ZNF236: variants seen among roughly 807,000 people sequenced by gnomAD.
ZNF236 encodes the protein regulated by glucose.
In ZNF236, 50 loss-of-function variants were observed where a neutral mutation model predicts 191.2. The ratio of observed to expected loss-of-function variants is 0.26; its 90% CI spans 0.21 to 0.33. ZNF236 has a LOEUF of 0.33. ZNF236 is among the 10% of genes least tolerant of loss of function. The pLI is 1.00. For synonymous variants in ZNF236, 907 were observed against 928.8 expected (o/e 0.98, Z 0.43); for missense variants, 1,754 against 2,374.5 (o/e 0.74, Z 5.43).
chr18:76,897,561 C>T (rs747540934), intron 10 of ZNF236, among the ~76,000 whole-genome samples: 1 of 148,936 alleles, frequency 6.7e-6, no homozygotes. Flanking sequence ...GTGCTGCCCA[C>T]AGGTACTGCA....
chr18:76,942,805 C>A (rs890403691), intron 26 of ZNF236, among the ~76,000 whole-genome samples: 1 of 150,872 alleles, frequency 6.6e-6, no homozygotes, highest in Non-Finnish European at 1.5e-5. Flanking sequence ...TGAGCCACCA[C>A]GCCCAGCCTA....
chr18:76,916,178 A>G (rs183463539), intron 19 of ZNF236, among the ~76,000 whole-genome samples: 77 of 152,300 alleles, frequency 5.1e-4, no homozygotes, highest in Middle Eastern at 6.8e-3. Flanking sequence ...CAAATATGGT[A>G]TCTTGCTCTA....
chr18:76,954,094 T>G (rs1968470220), intron 27 of ZNF236, among the ~76,000 whole-genome samples: 1 of 152,236 alleles, frequency 6.6e-6, no homozygotes. Flanking sequence ...TTAGCAAGAT[T>G]CTATTAATAT....
intron 27 of ZNF236, among the ~76,000 whole-genome samples, chr18:76,950,476 A>G (rs181222412): frequency 1.1e-3 from 164 of 152,188 alleles, no homozygotes; most frequent in African/African-American, 3.9e-3. Context: ...TATATATACC[A>G]TGAGATCCTT....
intron 1 of ZNF236, among the ~76,000 whole-genome samples, chr18:76,830,439 C>G (rs1975137529): frequency 6.6e-6 from 1 of 152,050 alleles, no homozygotes; most frequent in Non-Finnish European, 1.5e-5. Flanking sequence ...GTGGATACAG[C>G]CAGCCAGTCG....
chr18:76,948,307 G>C (rs1968317987), intron 27 of ZNF236, among the ~76,000 whole-genome samples: 1 of 152,130 alleles, frequency 6.6e-6, no homozygotes, highest in Non-Finnish European at 1.5e-5. Context: ...TGACTTACCG[G>C]TTTTTCTGTA....
In ZNF236 at chr18:76,968,932, A is replaced by T. The variant is rs17575801; in HGVS notation, c.*593A>T. On this transcript the variant is annotated 3_prime_UTR_variant, in exon 31 of 31. Coordinates refer to ENST00000320610, the MANE Select transcript of ZNF236 (RefSeq NM_001306089.2). The stretch of plus-strand genomic sequence containing the variant: ...GATGGCTGGACCAATTCTCTCCATG[A>T]CAAATGTTTAATCATTAGTTACAAG... 6.1e-4 allele frequency: 588 copies of T among 963,444 alleles called. No individual in the cohort carries two copies. The highest frequency in any genetic ancestry group is 4.8e-3 in the Middle Eastern group (9 of 1,862). 59.7% of individuals were successfully genotyped at this position (963,444 alleles called of 1,614,324 possible). A position where few individuals can be genotyped will look rare whatever the true frequency, so the allele number is the denominator to read the frequency against.
At chr18:76,963,479 G>A (rs1004855359) in intron 30 of ZNF236, among the ~76,000 whole-genome samples, 3 of 152,200 alleles carry the variant, frequency 2.0e-5, no homozygotes, top group Admixed American at 2.0e-4. Context: ...CGGTTAGCTA[G>A]TATTTTGTTA....
chr18:76,908,527 A>G lies in ZNF236; in HGVS notation c.2505A>G (p.Ala835=), dbSNP rs572904929. ...AGCATGTGGTGGGCACGGAGGAAGC[A>G]GGGCTGGGCCAGCAGTTGGCAGATC... is the stretch of plus-strand genomic sequence containing the variant. The part of the protein sequence containing the change: ...EPQHVVGTEE[A]GLGQQLADQP... The change falls in exon 14 of 31, where the codon GCA becomes GCG. Residue 835 remains alanine (A), a synonymous_variant. Transcript: ENST00000320610. 3 of 1,613,298 alleles carry G rather than the reference A, an allele frequency of 1.9e-6. No homozygotes were observed. The highest frequency in any genetic ancestry group is 2.5e-6 in the Non-Finnish European group (3 of 1,179,812).
At chr18:76,825,041 C>T (rs1339084436) in intron 1 of ZNF236, among the ~76,000 whole-genome samples, 1 of 152,232 alleles carries the variant, frequency 6.6e-6, no homozygotes, top group African/African-American at 2.4e-5. Context: ...CTCCAGGATC[C>T]TGTTGATCGG....
At chr18:76,933,513 A>ACT (rs1027081956) in intron 25 of ZNF236, among the ~76,000 whole-genome samples, 13 of 144,312 alleles carry the variant, frequency 9.0e-5, no homozygotes, top group Admixed American at 1.4e-4. Context: ...TCTCTCTCTC[A>ACT]CTCTCTCTCT....
At chr18:76,909,317 T>C (rs1048142848) in intron 14 of ZNF236, among the ~76,000 whole-genome samples, 4 of 14,554 alleles carry the variant, frequency 2.7e-4, no homozygotes, top group Non-Finnish European at 5.6e-4. Flanking sequence ...AGACTCTGTC[T>C]CAAAAAAAAA....
chr18:76,844,500 G>A (rs1975618934), intron 1 of ZNF236, among the ~76,000 whole-genome samples: 2 of 152,228 alleles, frequency 1.3e-5, no homozygotes, highest in East Asian at 1.9e-4. Flanking sequence ...ATGTTAGAAC[G>A]ATTTTTATTC....
At chr18:76,835,112 A>G (rs1454933773) in intron 1 of ZNF236, among the ~76,000 whole-genome samples, 1 of 152,016 alleles carries the variant, frequency 6.6e-6, no homozygotes, top group African/African-American at 2.4e-5. Context: ...CTGCATCCAC[A>G]AAATTTTGAT....
chr18:76,838,117 G>A (rs1297725955), intron 1 of ZNF236, among the ~76,000 whole-genome samples: 3 of 152,304 alleles, frequency 2.0e-5, no homozygotes. Flanking sequence ...TTATCAGCTT[G>A]AAAATGCTTG....
chr18:76,965,432 G>T (rs1171745181), intron 30 of ZNF236, among the ~76,000 whole-genome samples: 1 of 152,168 alleles, frequency 6.6e-6, no homozygotes, highest in Non-Finnish European at 1.5e-5. Context: ...TGGTGAGCTT[G>T]TGTGATTTTT....
intron 1 of ZNF236, among the ~76,000 whole-genome samples, chr18:76,835,601 C>T (rs1331547641): frequency 6.6e-6 from 1 of 152,090 alleles, no homozygotes; most frequent in Non-Finnish European, 1.5e-5. Flanking sequence ...TGTTGGTACA[C>T]CTGCACCATG....
intron 1 of ZNF236, among the ~76,000 whole-genome samples, chr18:76,830,258 A>AT (rs35974158): frequency 6.6e-6 from 1 of 152,046 alleles, no homozygotes; most frequent in Non-Finnish European, 1.5e-5. Context: ...TTTTTATGAG[A>AT]TTTTTCCTGT....
chr18:76,905,876 C>G (rs1033054337), intron 13 of ZNF236, among the ~76,000 whole-genome samples: 1 of 152,192 alleles, frequency 6.6e-6, no homozygotes, highest in Non-Finnish European at 1.5e-5. Context: ...TTTCATTCAG[C>G]CTAGCTTATA....
Sources: gnomAD v4.1 joint callset for allele counts (sites outside exome capture counted in the v4.1 genomes callset) on GRCh38, gnomAD v4.1.1 for gene constraint, MANE v1.5 for transcripts, NCBI Gene and HGNC (gene_info 2026-07-23, HGNC 2026-07-21) for gene names.